Variants in ZNF292 observed in about 807,000 individuals in gnomAD.
ZNF292 encodes the protein zinc finger protein 292.
A neutral mutation model predicts 217.9 loss-of-function variants in ZNF292; 26 were observed. That is an observed-to-expected ratio of 0.12 (90% CI 0.09 to 0.17). The LOEUF (loss-of-function observed/expected upper bound fraction) is 0.17. Among genes scored for constraint, ZNF292 ranks in the 10% least tolerant of loss-of-function variants. The pLI is 1.00. For synonymous variants in ZNF292, 1,257 were observed against 1,124.1 expected (o/e 1.12, Z -2.37); for missense variants, 2,904 against 3,175.2 (o/e 0.91, Z 2.05).
intron 1 of ZNF292, among the ~76,000 whole-genome samples, chr6:87,184,352 G>T (rs541883760): frequency 6.6e-6 from 1 of 152,032 alleles, no homozygotes; most frequent in South Asian, 2.1e-4. Context: ...TGGAAGTCTG[G>T]TTATTGTTTG....
intron 1 of ZNF292, among the ~76,000 whole-genome samples, chr6:87,204,096 G>A (rs563964030): frequency 6.6e-6 from 1 of 152,124 alleles, no homozygotes; most frequent in Non-Finnish European, 1.5e-5. Flanking sequence ...AAATACTAAA[G>A]CCAAATTGAG....
intron 1 of ZNF292, among the ~76,000 whole-genome samples, chr6:87,208,920 C>T (rs1297890483): frequency 6.6e-6 from 1 of 152,142 alleles, no homozygotes; most frequent in Non-Finnish European, 1.5e-5. Flanking sequence ...TGACTTATTG[C>T]CCTGAAAAGT....
At chr6:87,202,440 C>T (rs1244267238) in intron 1 of ZNF292, among the ~76,000 whole-genome samples, 1 of 152,168 alleles carries the variant, frequency 6.6e-6, no homozygotes, top group Non-Finnish European at 1.5e-5. Flanking sequence ...CTTACGTGTG[C>T]ATTGTCTGCA....
chr6:87,232,446 C>T (rs1479366686), intron 4 of ZNF292, among the ~76,000 whole-genome samples: 1 of 152,034 alleles, frequency 6.6e-6, no homozygotes, highest in Non-Finnish European at 1.5e-5. Context: ...TTACTAAAAG[C>T]CTTCCCAAGG....
Position 87,255,914 on chromosome 6 carries a change from A to T in ZNF292, c.2285A>T (p.Asn762Ile). Residue 762 changes from asparagine to isoleucine, a missense_variant, in exon 8 of 8, where the codon AAT becomes ATT. Asn to Ile is a moderately radical substitution (Grantham distance 149). Coordinates refer to ENST00000369577, the MANE Select transcript of ZNF292 (RefSeq NM_015021.3). ...CAGATGAAATGTAAAGCTGGTTTTA[A>T]TAGTTACGCCGAGCTTTTAACCCAC... Reference protein sequence around the residue: ...CIQMKCKAGFNSYAELLTHRK... With the variant: ...CIQMKCKAGFISYAELLTHRK... 1 of 1,613,734 alleles carries T rather than the reference A, an allele frequency of 6.2e-7. No homozygotes were observed. Among genetic ancestry groups the T allele is most frequent in the Non-Finnish European group, 8.5e-7 (1 of 1,179,798 alleles).
chr6:87,210,076 T>G (rs1772418768), intron 1 of ZNF292, among the ~76,000 whole-genome samples: 1 of 152,174 alleles, frequency 6.6e-6, no homozygotes, highest in African/African-American at 2.4e-5. Flanking sequence ...TTATTTTCCC[T>G]CGTGGTAATC....
chr6:87,229,661 G>A (rs1318363138), intron 4 of ZNF292, among the ~76,000 whole-genome samples: 1 of 152,022 alleles, frequency 6.6e-6, no homozygotes, highest in Non-Finnish European at 1.5e-5. Flanking sequence ...CTCGACCTCA[G>A]GTGATCCACC....
chr6:87,219,451 T>G (rs551249674), intron 4 of ZNF292, among the ~76,000 whole-genome samples: 1 of 152,340 alleles, frequency 6.6e-6, no homozygotes. Context: ...TGTAAGCTTC[T>G]TCCGTCATTT....
At chr6:87,218,498 G>A in intron 3 of ZNF292, 98 bp from the exon 4 acceptor site, 1 of 972,356 alleles carries the variant, frequency 1.0e-6, no homozygotes, top group South Asian at 2.6e-5. Flanking sequence ...TTTTTAAGAT[G>A]AAAGTCTTTT....
rs183161446 is a variant in ZNF292 at position 87,187,295 on chromosome 6, C to T, written c.169-28608C>T. ...TGTTCAGTAACTCACTTTACTAAAT[C>T]TCTGTACTCATGATAAATATCAGTA... On this transcript the variant is annotated intron_variant, in intron 1 of 7. Coordinates refer to ENST00000369577, the MANE Select transcript of ZNF292 (RefSeq NM_015021.3). Among the ~76,000 whole-genome samples the T allele has an allele frequency of 1.5e-4, 23 of 152,298 alleles. No homozygotes were observed. In the East Asian group the frequency reaches 4.4e-3, roughly 29 times the overall value.
chr6:87,207,576 C>T (rs1475381728), intron 1 of ZNF292, among the ~76,000 whole-genome samples: 1 of 152,146 alleles, frequency 6.6e-6, no homozygotes, highest in African/African-American at 2.4e-5. Context: ...ATGTGACTGT[C>T]TACGTGGCCT....
chr6:87,157,314 A>T (rs1390979461), intron 1 of ZNF292, among the ~76,000 whole-genome samples: 1 of 152,242 alleles, frequency 6.6e-6, no homozygotes, highest in Non-Finnish European at 1.5e-5. Flanking sequence ...TTTAATATTT[A>T]AAAATTGTTG....
At chr6:87,200,798 C>G (rs1366984313) in intron 1 of ZNF292, among the ~76,000 whole-genome samples, 1 of 152,118 alleles carries the variant, frequency 6.6e-6, no homozygotes, top group African/African-American at 2.4e-5. Flanking sequence ...TTTAGGGATT[C>G]AAAGCTATCA....
chr6:87,194,478 AAG>A (rs994766466), intron 1 of ZNF292, among the ~76,000 whole-genome samples: 4 of 152,188 alleles, frequency 2.6e-5, no homozygotes, highest in Non-Finnish European at 4.4e-5. Context: ...CAAGTGAAAA[AAG>A]AGAGAGCAGA....
Position 87,260,202 on chromosome 6 carries a change from A to G in ZNF292, c.6573A>G (p.Gln2191=), listed in dbSNP as rs1305320534. 3 of 1,613,464 alleles carry G rather than the reference A, an allele frequency of 1.9e-6. No individual in the cohort carries two copies. The highest frequency in any genetic ancestry group is 2.7e-5 in the African/African-American group (2 of 74,900). ...RIFQAITGLI[Q]HYMKLHEMTP... is the part of the protein sequence containing the mutation. ...TCCAAGCAATTACTGGCCTAATACA[A>G]CACTACATGAAACTTCATGAAATGA... is the stretch of plus-strand genomic sequence containing the variant. The change falls in exon 8 of 8, where the codon CAA becomes CAG. Residue 2191 remains glutamine, a synonymous_variant. Coordinates refer to ENST00000369577, the MANE Select transcript of ZNF292 (RefSeq NM_015021.3).
chr6:87,165,882 C>T (rs747743016), intron 1 of ZNF292, among the ~76,000 whole-genome samples: 1 of 151,886 alleles, frequency 6.6e-6, no homozygotes, highest in Non-Finnish European at 1.5e-5. Flanking sequence ...CTCAGCTTCC[C>T]GAGTAGCTGG....
chr6:87,174,352 A>G (rs13196698), intron 1 of ZNF292: 8,170 of 150,204 alleles, frequency 0.054, 251 homozygotes, highest in Non-Finnish European at 0.071. Context: ...TCATCTAGAT[A>G]GTGGTTTTAC....
rs1209954907 is a variant in ZNF292, at chr6:87,209,102, T to TC, written c.169-6800dup. ...AGTTATCTCATTTTTAGCCCCACTT[T>TC]CACCCCCCCCTCCCCATTTTCAGAG... On this transcript the variant is annotated intron_variant, in intron 1 of 7. Coordinates refer to ENST00000369577, the MANE Select transcript of ZNF292 (RefSeq NM_015021.3). Among the ~76,000 whole-genome samples, 451 of 83,574 alleles carry TC rather than the reference T, an allele frequency of 5.4e-3. 6 individuals carry two copies. The highest frequency in any genetic ancestry group is 0.029 in the African/African-American group (312 of 10,772). The allele number at this position is 83,574 out of a possible 152,430, so 54.8% of individuals were successfully genotyped here. A position where few individuals can be genotyped will look rare whatever the true frequency, so the allele number is the denominator to read the frequency against.
At chr6:87,162,943 T>G in intron 1 of ZNF292, among the ~76,000 whole-genome samples, 1 of 152,328 alleles carries the variant, frequency 6.6e-6, no homozygotes, top group East Asian at 1.9e-4. Flanking sequence ...TTGCTTTCAT[T>G]AATATGTTTG....
Sources: allele counts gnomAD v4.1 joint callset (sites outside exome capture counted in the v4.1 genomes callset), GRCh38; gene constraint gnomAD v4.1.1; transcripts MANE v1.5; gene names NCBI Gene and HGNC (gene_info 2026-07-23, HGNC 2026-07-21).